The following SAMD5 variants were observed in gnomAD, a reference collection of about 807,000 sequenced individuals.
The protein encoded by SAMD5 is sterile alpha motif domain containing 5.
SAMD5 carries 13 observed loss-of-function variants against 11.3 expected under a neutral mutation model. The ratio of observed to expected loss-of-function variants is 1.15; its 90% confidence interval spans 0.75 to 1.83. The LOEUF (loss-of-function observed/expected upper bound fraction) is 1.83, where lower values mean the gene tolerates loss of function less well. Ranked by LOEUF, SAMD5 falls within the 40% of genes most tolerant of loss-of-function variation. SAMD5 has a pLI of 0.00. For synonymous variants in SAMD5, 129 were observed against 111.3 expected (o/e 1.16, Z -1.00); for missense variants, 255 against 239.1 (o/e 1.07, Z -0.44).
chr6:147,642,517 C>G (rs754049166), intron 1 of SAMD5, among the ~76,000 whole-genome samples: 5 of 152,146 alleles, frequency 3.3e-5, no homozygotes, highest in Admixed American at 6.6e-5. Flanking sequence ...TGCTCATGTT[C>G]CACATTCTTG....
chr6:147,886,038 C>G, the SAMD5 span, among the ~76,000 whole-genome samples: 1 of 152,122 alleles, frequency 6.6e-6, no homozygotes, highest in African/African-American at 2.4e-5. Flanking sequence ...AAGCTATAGT[C>G]TAAGCTTATT....
intron 1 of SAMD5, among the ~76,000 whole-genome samples, chr6:147,533,122 A>T (rs780073237): frequency 2.0e-5 from 3 of 152,148 alleles, no homozygotes; most frequent in Non-Finnish European, 2.9e-5. Context: ...GCACACCCAG[A>T]GCCCAGACCC....
At chr6:147,816,856 C>T in the SAMD5 span, among the ~76,000 whole-genome samples, 1 of 152,038 alleles carries the variant, frequency 6.6e-6, no homozygotes, top group South Asian at 2.1e-4. Flanking sequence ...AACAAGACAG[C>T]CTCGTATGTG....
At chr6:147,709,129 A>T (rs1455988129) in intron 1 of SAMD5, among the ~76,000 whole-genome samples, 1 of 152,214 alleles carries the variant, frequency 6.6e-6, no homozygotes, top group African/African-American at 2.4e-5. Context: ...TTTATTTGCA[A>T]GCTATTCTTC....
At chr6:147,593,466 A>G (rs1368732650) in intron 1 of SAMD5, among the ~76,000 whole-genome samples, 2 of 152,214 alleles carry the variant, frequency 1.3e-5, no homozygotes, top group Admixed American at 1.3e-4. Context: ...TAGAGCTTAT[A>G]GAAGTGCCAT....
At chr6:147,653,993 C>T (rs1334357289) in intron 1 of SAMD5, among the ~76,000 whole-genome samples, 1 of 152,196 alleles carries the variant, frequency 6.6e-6, no homozygotes, top group African/African-American at 2.4e-5. Flanking sequence ...TCAACAATGA[C>T]ACGAATTTAA....
Position 147,508,759 on chromosome 6 carries a change from C to T in SAMD5, c.-170C>T, listed in dbSNP as rs73578573. On this transcript the variant is annotated 5_prime_UTR_variant, in exon 1 of 2. Transcript: ENST00000367474. ...CTTGTTCGCTTCTCCCTTCCTCAGGCTTCTTCTGATGGTTTTCCGTCTCCT... is the reference window on the plus strand; with the variant it reads ...CTTGTTCGCTTCTCCCTTCCTCAGGTTTCTTCTGATGGTTTTCCGTCTCCT... Among the ~76,000 whole-genome samples, 630 of 152,306 alleles carry T rather than the reference C, an allele frequency of 4.1e-3. 4 individuals are homozygous for T. The highest frequency in any genetic ancestry group is 0.015 in the African/African-American group (608 of 41,586).
intron 1 of SAMD5, among the ~76,000 whole-genome samples, chr6:147,563,210 T>A (rs1026371706): frequency 6.6e-6 from 1 of 152,244 alleles, no homozygotes; most frequent in African/African-American, 2.4e-5. Context: ...ACATATTAGC[T>A]AACATATTGC....
chr6:147,605,187 A>G (rs1789682008), intron 1 of SAMD5, among the ~76,000 whole-genome samples: 1 of 152,078 alleles, frequency 6.6e-6, no homozygotes, highest in Admixed American at 6.5e-5. Flanking sequence ...ATCATATCTC[A>G]CTGCAGCCTT....
chr6:147,810,895 A>G, the SAMD5 span, among the ~76,000 whole-genome samples: 1 of 152,204 alleles, frequency 6.6e-6, no homozygotes, highest in Admixed American at 6.5e-5. Context: ...ATTCATACAT[A>G]ACATTCTCCC....
At chr6:147,816,301 A>AAAAAAATATATATATATAT in the SAMD5 span, among the ~76,000 whole-genome samples, 1 of 66,354 alleles carries the variant, frequency 1.5e-5, no homozygotes, top group East Asian at 4.5e-4. Context: ...AAAAAAAAAA[A>AAAAAAATATATATATATAT]ATATATATAT....
downstream of SAMD5, among the ~76,000 whole-genome samples, chr6:147,573,758 G>A (rs527689331): frequency 9.8e-4 from 149 of 152,330 alleles, no homozygotes; most frequent in Middle Eastern, 0.01. Context: ...GCAGTAGAAT[G>A]TGGAGGGTGG....
chr6:147,817,348 A>G, the SAMD5 span, among the ~76,000 whole-genome samples: 1 of 152,226 alleles, frequency 6.6e-6, no homozygotes, highest in Non-Finnish European at 1.5e-5. Context: ...TATTTTATAA[A>G]TCTGACAACT....
chr6:147,666,791 A>G (rs1342642442), intron 1 of SAMD5, among the ~76,000 whole-genome samples: 1 of 152,194 alleles, frequency 6.6e-6, no homozygotes, highest in Non-Finnish European at 1.5e-5. Context: ...AGTCCATAGC[A>G]TCCTCAAATA....
intron 1 of SAMD5, among the ~76,000 whole-genome samples, chr6:147,673,201 C>T (rs1323506407): frequency 6.6e-6 from 1 of 151,220 alleles, no homozygotes; most frequent in Non-Finnish European, 1.5e-5. Context: ...AATTTTGATA[C>T]CAAAAAGCAA....
the SAMD5 span, among the ~76,000 whole-genome samples, chr6:147,793,405 C>A: frequency 0.082 from 12,403 of 152,012 alleles, 776 homozygotes; most frequent in African/African-American, 0.17. Context: ...GATGTGATGA[C>A]TAAGTATTAT....
At chr6:147,785,941 G>A in the SAMD5 span, among the ~76,000 whole-genome samples, 9 of 152,302 alleles carry the variant, frequency 5.9e-5, no homozygotes, top group East Asian at 1.7e-3. Flanking sequence ...CATAATTGTA[G>A]TCCATGCTAC....
the SAMD5 span, among the ~76,000 whole-genome samples, chr6:147,896,712 A>G: frequency 1.2e-4 from 18 of 149,238 alleles, no homozygotes; most frequent in East Asian, 3.5e-3. Context: ...AAAAAAATTC[A>G]CTGAATATTA....
the SAMD5 span, among the ~76,000 whole-genome samples, chr6:147,790,503 G>A: frequency 6.6e-6 from 1 of 152,226 alleles, no homozygotes; most frequent in Admixed American, 6.5e-5. Context: ...TTAAAAAGAT[G>A]TGTATGATTG....
Sources: gnomAD v4.1 joint callset for allele counts (sites outside exome capture counted in the v4.1 genomes callset) on GRCh38, gnomAD v4.1.1 for gene constraint, MANE v1.5 for transcripts, NCBI Gene and HGNC (gene_info 2026-07-23, HGNC 2026-07-21) for gene names.